The following SORBS2 variants were observed in gnomAD, a reference collection of about 807,000 sequenced individuals.
SORBS2 encodes sorbin and SH3 domain containing 2.
SORBS2 carries 46 observed loss-of-function variants against 97.7 expected under a neutral mutation model. The observed-to-expected ratio is 0.47, with a 90% CI of 0.37 to 0.60. SORBS2 has a LOEUF of 0.60. SORBS2 is among the 20% of genes least tolerant of loss of function. The pLI is 0.00. For missense variants in SORBS2, 1,316 were observed against 1,282.3 expected (o/e 1.03, Z -0.40); for synonymous variants, 476 against 473.4 (o/e 1.01, Z -0.07).
At chr4:185,663,295 A>G (rs2097547347) in intron 4 of SORBS2, among the ~76,000 whole-genome samples, 1 of 152,274 alleles carries the variant, frequency 6.6e-6, no homozygotes, top group Non-Finnish European at 1.5e-5. Context: ...TCTATTCCAC[A>G]GGCTTGAAAC....
intron 4 of SORBS2, among the ~76,000 whole-genome samples, chr4:185,645,208 G>A (rs2097188494): frequency 6.6e-6 from 1 of 152,144 alleles, no homozygotes; most frequent in South Asian, 2.1e-4. Flanking sequence ...TAAATTACTA[G>A]AAAGATCATT....
chr4:185,789,744 A>AT (rs1417168061), intron 1 of SORBS2, among the ~76,000 whole-genome samples: 7 of 152,168 alleles, frequency 4.6e-5, no homozygotes, highest in South Asian at 2.1e-4. Flanking sequence ...AATTCTCTTG[A>AT]TTTTTAATGC....
Position 185,611,806 on chromosome 4 carries a change from T to C in SORBS2, c.2770A>G (p.Arg924Gly), listed in dbSNP as rs61733480. 1,348 of 1,614,110 alleles carry C rather than the reference T, an allele frequency of 8.4e-4. 12 individuals are homozygous for C. In the African/African-American group the frequency reaches 0.015, roughly 18 times the overall value. Residue 924 changes from arginine to glycine, a missense_variant, in exon 12 of 15, where the codon AGG (arginine) becomes GGG (glycine). Physicochemically the swap from Arg to Gly is moderately radical, Grantham distance 125 (BLOSUM62 -2). Coordinates refer to ENST00000418609, the Ensembl canonical transcript of SORBS2. Reference sequence around the variant, plus strand: ...TTATTTGAGCTCAAGCTGTGAATCCTATCACTAGAATAGCTGTGGGGTATT... The same window carrying C: ...TTATTTGAGCTCAAGCTGTGAATCCCATCACTAGAATAGCTGTGGGGTATT...
intron 2 of SORBS2, among the ~76,000 whole-genome samples, chr4:185,758,883 C>T (rs551993618): frequency 1.7e-3 from 256 of 152,330 alleles, no homozygotes; most frequent in African/African-American, 5.9e-3. Context: ...AAACTCCAAG[C>T]TGCACTGTCC....
At chr4:185,697,307 T>C (rs57771121) in intron 2 of SORBS2, among the ~76,000 whole-genome samples, 1 of 152,232 alleles carries the variant, frequency 6.6e-6, no homozygotes, top group Non-Finnish European at 1.5e-5. Flanking sequence ...TTGCTTTAGA[T>C]TGAAGCAAGC....
chr4:185,914,768 C>T (rs112036992), intron 1 of SORBS2, among the ~76,000 whole-genome samples: 270 of 152,350 alleles, frequency 1.8e-3, no homozygotes, highest in African/African-American at 6.0e-3. Flanking sequence ...ATTCCCTGCA[C>T]GGCCCTTGCC....
At chr4:185,850,519 C>G (rs1360718833) in intron 1 of SORBS2, among the ~76,000 whole-genome samples, 2 of 152,186 alleles carry the variant, frequency 1.3e-5, no homozygotes, top group Non-Finnish European at 2.9e-5. Context: ...TAGCTCTGTT[C>G]TCCTACATCA....
At chr4:185,877,883 A>AAAAAAAAAAAAAAAAG (rs1344109012) in intron 1 of SORBS2, among the ~76,000 whole-genome samples, 2 of 145,180 alleles carry the variant, frequency 1.4e-5, no homozygotes, top group African/African-American at 2.6e-5. Context: ...ACAAAAAAAA[A>AAAAAAAAAAAAAAAAG]AAAGAAAGAA....
chr4:185,642,266 T>C lies in SORBS2; in HGVS notation c.396+4402A>G, dbSNP rs138095629. 2.6e-4 allele frequency among the ~76,000 whole-genome samples: 40 copies of C among 152,318 alleles called. No individual in the cohort carries two copies. The East Asian group carries it at 7.7e-3, about 29-fold the overall frequency. ...GGTTTAAGTTGCATTTCAACTCTGC[T>C]ACAGTGTTTTCAATGACTATTTTCT... On this transcript the variant is annotated intron_variant, in intron 4 of 14. Transcript: ENST00000418609.
intron 1 of SORBS2, among the ~76,000 whole-genome samples, chr4:185,914,267 C>T (rs923508912): frequency 8.6e-5 from 13 of 151,888 alleles, no homozygotes; most frequent in Non-Finnish European, 1.9e-4. Flanking sequence ...ATTTTCTCTC[C>T]TTTCAAGTTC....
chr4:185,656,820 C>A, exon 1 of SORBS2: 1 of 1,390,214 alleles, frequency 7.2e-7, no homozygotes, highest in Non-Finnish European at 9.3e-7. Flanking sequence ...AAAAAAAAAT[C>A]CAAACACTTT....
At chr4:185,719,076 T>A (rs757653744) in intron 2 of SORBS2, among the ~76,000 whole-genome samples, 9 of 151,648 alleles carry the variant, frequency 5.9e-5, no homozygotes, top group African/African-American at 1.2e-4. Flanking sequence ...AATCTGGTTT[T>A]AAAAAAAAAT....
chr4:185,802,674 T>A (rs1024599915), intron 1 of SORBS2, among the ~76,000 whole-genome samples: 1 of 152,228 alleles, frequency 6.6e-6, no homozygotes, highest in Non-Finnish European at 1.5e-5. Flanking sequence ...CTCCAGATAC[T>A]GTGGGCCACT....
intron 12 of SORBS2, among the ~76,000 whole-genome samples, chr4:185,608,312 A>G (rs1009716074): frequency 1.3e-5 from 2 of 152,226 alleles, no homozygotes; most frequent in Admixed American, 1.3e-4. Flanking sequence ...ACAGGAACCC[A>G]TGATCAGAAT....
intron 1 of SORBS2, among the ~76,000 whole-genome samples, chr4:185,916,735 G>C (rs991966913): frequency 6.6e-6 from 1 of 152,162 alleles, no homozygotes; most frequent in Non-Finnish European, 1.5e-5. Flanking sequence ...CTGTAGAGGA[G>C]AGCGATGCTA....
At chr4:185,638,252 T>A (rs888378921) in intron 4 of SORBS2, 90 bp from the exon 15 acceptor site, 1 of 798,752 alleles carries the variant, frequency 1.3e-6, no homozygotes, top group Admixed American at 1.8e-5. Flanking sequence ...CACGCGCGCA[T>A]TGACACGCAA....
At chr4:185,845,817 A>T (rs2099214214) in intron 1 of SORBS2, among the ~76,000 whole-genome samples, 1 of 152,268 alleles carries the variant, frequency 6.6e-6, no homozygotes, top group Non-Finnish European at 1.5e-5. Context: ...ATAAATGCTC[A>T]GTACCATTAA....
At chr4:185,734,569 T>C (rs929631030) in intron 2 of SORBS2, among the ~76,000 whole-genome samples, 1 of 152,154 alleles carries the variant, frequency 6.6e-6, no homozygotes, top group Non-Finnish European at 1.5e-5. Context: ...GTCAGCATTT[T>C]AATAGAATGG....
chr4:185,707,335 A>C (rs1474818969), intron 2 of SORBS2, among the ~76,000 whole-genome samples: 1 of 152,158 alleles, frequency 6.6e-6, no homozygotes, highest in Non-Finnish European at 1.5e-5. Context: ...TCTTTCTTGG[A>C]TCTAAGGACA....
Sources: allele counts gnomAD v4.1 joint callset (sites outside exome capture counted in the v4.1 genomes callset), GRCh38; gene constraint gnomAD v4.1.1; transcripts MANE v1.5; gene names NCBI Gene and HGNC (gene_info 2026-07-23, HGNC 2026-07-21).